CUBN: variants seen among roughly 807,000 people sequenced by gnomAD.
CUBN encodes 460 kDa receptor.
CUBN carries 282 observed loss-of-function variants against 405.3 expected under a neutral mutation model. That is an observed-to-expected ratio of 0.70 (90% CI 0.63 to 0.77). The LOEUF (loss-of-function observed/expected upper bound fraction) is 0.77. CUBN is among the 30% of genes least tolerant of loss of function. The pLI, the probability that CUBN is intolerant of heterozygous loss-of-function variation, is 0.00. For synonymous variants in CUBN, 1,684 were observed against 1,617.0 expected (o/e 1.04, Z -0.99); for missense variants, 4,514 against 4,475.2 (o/e 1.01, Z -0.25).
intron 45 of CUBN, 37 bp from the exon 46 acceptor site, chr10:16,916,067 C>A (rs376432497): frequency 5.7e-6 from 9 of 1,584,076 alleles, no homozygotes; most frequent in African/African-American, 1.4e-5. Context: ...AATAAGAAAG[C>A]AAGCAAGCAA....
At position 17,020,002 on chromosome 10, in the gene CUBN, T is replaced by G. The variant is rs1414925251; in HGVS notation, c.4018-19A>C. The stretch of plus-strand genomic sequence containing the variant: ...CATAGAGCTGAAATTGAAGAGAAAC[T>G]TTCCCATATAAAAACACATGGTTTG... On this transcript the variant is annotated intron_variant, in intron 27 of 66. Transcript: ENST00000377833. The G allele has an allele frequency of 6.2e-7, 1 of 1,613,728 alleles. No homozygotes were observed. The highest frequency in any genetic ancestry group is 8.5e-7 in the Non-Finnish European group (1 of 1,179,804).
chr10:16,923,568 T>C (rs1286843940), intron 43 of CUBN, among the ~76,000 whole-genome samples: 2 of 152,064 alleles, frequency 1.3e-5, no homozygotes, highest in East Asian at 1.9e-4. Flanking sequence ...CAAGAACAGG[T>C]TGTGAAATCA....
intron 22 of CUBN, among the ~76,000 whole-genome samples, chr10:17,064,083 C>A (rs1323988096): frequency 6.6e-6 from 1 of 152,178 alleles, no homozygotes; most frequent in African/African-American, 2.4e-5. Flanking sequence ...CCAGTGAATA[C>A]GTCAATCACA....
intron 40 of CUBN, among the ~76,000 whole-genome samples, chr10:16,928,622 G>A (rs577266725): frequency 1.4e-5 from 2 of 145,716 alleles, no homozygotes; most frequent in African/African-American, 2.5e-5. Context: ...CTCTGCCTCT[G>A]GGGTTCAAGT....
intron 27 of CUBN, among the ~76,000 whole-genome samples, chr10:17,028,869 T>C (rs550716780): frequency 1.3e-5 from 2 of 152,340 alleles, no homozygotes; most frequent in East Asian, 3.9e-4. Context: ...AAAGTCAATA[T>C]AGTTAACTGA....
chr10:17,115,372 G>T (rs914944537), intron 7 of CUBN, 99 bp downstream of exon 7: 3 of 1,502,694 alleles, frequency 2.0e-6, no homozygotes, highest in African/African-American at 2.8e-5. Flanking sequence ...CTTCACCTCT[G>T]TAAGCTCCAG....
intron 27 of CUBN, among the ~76,000 whole-genome samples, chr10:17,032,462 T>C (rs960494039): frequency 2.6e-5 from 4 of 152,148 alleles, no homozygotes; most frequent in Non-Finnish European, 5.9e-5. Flanking sequence ...GTGATGACAC[T>C]TCCTGCACTG....
At position 16,956,289 on chromosome 10, in the gene CUBN, A is replaced by C. The variant is rs114713715; in HGVS notation, c.4696-1741T>G. Among the ~76,000 whole-genome samples, 664 of 152,128 alleles carry C rather than the reference A, an allele frequency of 4.4e-3. 4 individuals are homozygous for C. Among genetic ancestry groups the C allele is most frequent in the African/African-American group, 0.014 (576 of 41,526 alleles). On this transcript the variant is annotated intron_variant, in intron 31 of 66. Coordinates refer to ENST00000377833, the MANE Select transcript of CUBN (RefSeq NM_001081.4). ...AATGTGGGTCTGTTCTGGAGCAGCAAATCTTTTCTTTTTTATTATTTAATG... is the reference window on the plus strand; with the variant it reads ...AATGTGGGTCTGTTCTGGAGCAGCACATCTTTTCTTTTTTATTATTTAATG...
At chr10:16,912,990 G>A (rs1480713834) in intron 48 of CUBN, among the ~76,000 whole-genome samples, 1 of 152,140 alleles carries the variant, frequency 6.6e-6, no homozygotes, top group East Asian at 1.9e-4. Context: ...CCAAGTGAAC[G>A]GTGGGGGTAT....
intron 17 of CUBN, among the ~76,000 whole-genome samples, chr10:17,080,562 G>C (rs1835946063): frequency 1.3e-5 from 2 of 152,136 alleles, no homozygotes; most frequent in Admixed American, 6.5e-5. Flanking sequence ...CCCCTTTCTG[G>C]TTCCTCAGTG....
In CUBN at chr10:17,061,768, A is replaced by G. The variant is rs553656887; in HGVS notation, c.3139+3740T>C. 2.8e-4 allele frequency among the ~76,000 whole-genome samples: 43 copies of G among 152,288 alleles called. No homozygotes were observed. In the South Asian group the frequency reaches 8.3e-3, roughly 29 times the overall value. On this transcript the variant is annotated intron_variant, in intron 22 of 66. Coordinates refer to ENST00000377833, the MANE Select transcript of CUBN (RefSeq NM_001081.4). The stretch of plus-strand genomic sequence containing the variant: ...ATTGTGAAGGTTTTCGCTTTGCAGG[A>G]AATATGAAAAATCCACCACAGTTTG...
Position 17,129,715 on chromosome 10 carries a change from T to C in CUBN, c.51A>G (p.Ile17Met), listed in dbSNP as rs1376800123. The part of the protein sequence containing the change: ...PFLWSLLTLL[I>M]FAEVNGEAGE... ...CAGCTTCGCCATTTACTTCAGCAAA[T>C]ATTAATAAGGTAAGCAAACTCCAAA... The change falls in exon 1 of 67, where the codon ATA (isoleucine) becomes ATG (methionine). Residue 17 changes from isoleucine to methionine, a missense_variant. Physicochemically the swap from Ile to Met is conservative, Grantham distance 10 (BLOSUM62 1). Around this residue, in one of 5 missense-constraint regions of CUBN, gnomAD observed 1,448 missense variants for 1,388.0 expected, o/e 1.04. Transcript: ENST00000377833. 1.2e-5 allele frequency: 19 copies of C among 1,613,974 alleles called. No homozygotes were observed. The highest frequency in any genetic ancestry group is 1.5e-5 in the Non-Finnish European group (18 of 1,179,974).
chr10:16,889,209 T>G (rs187012048), intron 55 of CUBN, among the ~76,000 whole-genome samples: 98 of 152,312 alleles, frequency 6.4e-4, no homozygotes, highest in Admixed American at 1.9e-3. Flanking sequence ...TCCTTTTAAA[T>G]TGACATTAAA....
intron 6 of CUBN, among the ~76,000 whole-genome samples, chr10:17,116,735 T>C (rs1836909939): frequency 6.6e-6 from 1 of 152,198 alleles, no homozygotes; most frequent in Non-Finnish European, 1.5e-5. Flanking sequence ...GGCACAGGAT[T>C]CGGCTTGCCT....
Position 17,084,316 on chromosome 10 carries a change from G to T in CUBN, c.2256C>A (p.His752Gln), listed in dbSNP as rs140150973. The change falls in exon 17 of 67, where the codon CAC becomes CAA. Residue 752 changes from histidine (H) to glutamine (Q), a missense_variant. By Grantham distance (24) the His-to-Gln change is conservative. This residue lies in a region of CUBN where 1,448 missense variants were observed against 1,388.0 expected (regional missense o/e 1.04). Transcript: ENST00000377833. ...QGEQIQINFT[H>Q]VELQCQSDSS... The stretch of plus-strand genomic sequence containing the variant: ...TGTCACTCTGGCATTGCAGCTCCAC[G>T]TGGGTGAAGTTGATTTGTATTTGTT... The T allele has an allele frequency of 1.2e-6, 2 of 1,614,120 alleles. No homozygotes were observed. Among genetic ancestry groups the T allele is most frequent in the African/African-American group, 2.7e-5 (2 of 75,028 alleles).
At chr10:17,025,608 A>C (rs1358803212) in intron 27 of CUBN, among the ~76,000 whole-genome samples, 1 of 152,208 alleles carries the variant, frequency 6.6e-6, no homozygotes, top group Non-Finnish European at 1.5e-5. Context: ...AAAGGGAATC[A>C]ACATTTTTTT....
chr10:17,065,129 TCC>T (rs11368099), intron 22 of CUBN, among the ~76,000 whole-genome samples: 3,370 of 121,310 alleles, frequency 0.028, 66 homozygotes, highest in Middle Eastern at 0.065. Flanking sequence ...TCTCTCTCTC[TCC>T]CCCCCCCCCC....
chr10:16,874,628 A>G lies in CUBN; in HGVS notation c.9107-125T>C, dbSNP rs1840449794. 3.5e-6 allele frequency: 4 copies of G among 1,154,492 alleles called. No homozygotes were observed. In the African/African-American group the frequency reaches 4.6e-5, roughly 13 times the overall value. The allele number at this position is 1,154,492 out of a possible 1,614,324, so 71.5% of individuals were successfully genotyped here. On this transcript the variant is annotated intron_variant, in intron 57 of 66. Coordinates refer to ENST00000377833, the MANE Select transcript of CUBN (RefSeq NM_001081.4). ...AAGAGGTAATAATTATTTTTCTTAA[A>G]GTGACTTATATCTCCCTTCATTGTG...
chr10:17,003,811 C>T (rs757067753), intron 28 of CUBN, among the ~76,000 whole-genome samples: 5 of 152,186 alleles, frequency 3.3e-5, no homozygotes, highest in Admixed American at 1.3e-4. Context: ...CGCTATTCCT[C>T]GCTCTTAGTA....
Sources: allele counts gnomAD v4.1 joint callset (sites outside exome capture counted in the v4.1 genomes callset), GRCh38; gene constraint gnomAD v4.1.1; regional missense constraint gnomAD v4.1.1; transcripts MANE v1.5; gene names NCBI Gene and HGNC (gene_info 2026-07-23, HGNC 2026-07-21).